THEMIS: variants seen among roughly 807,000 people sequenced by gnomAD.
THEMIS encodes thymocyte selection associated, also known as protein THEMIS.
A neutral mutation model predicts 52.6 loss-of-function variants in THEMIS; 37 were observed. That is an observed-to-expected ratio of 0.70 (90% CI 0.54 to 0.93). The LOEUF (loss-of-function observed/expected upper bound fraction) is 0.93. Among genes scored for constraint, THEMIS ranks in the 40% least tolerant of loss-of-function variants. THEMIS has a pLI of 0.00. For missense variants in THEMIS, 808 were observed against 763.1 expected (o/e 1.06, Z -0.69); for synonymous variants, 292 against 272.7 (o/e 1.07, Z -0.70).
chr6:127,784,011 A>G (rs1258869161), intron 4 of THEMIS, among the ~76,000 whole-genome samples: 4 of 152,228 alleles, frequency 2.6e-5, no homozygotes, highest in African/African-American at 9.6e-5. Context: ...GGTAGACTGG[A>G]TAAAGAAAAT....
intron 4 of THEMIS, among the ~76,000 whole-genome samples, chr6:127,763,396 A>C (rs1198815925): frequency 6.6e-6 from 1 of 152,050 alleles, no homozygotes; most frequent in African/African-American, 2.4e-5. Context: ...CATCCCAAAC[A>C]AAAGTTAATT....
At chr6:127,764,223 C>T (rs1017089696) in intron 4 of THEMIS, among the ~76,000 whole-genome samples, 3 of 151,890 alleles carry the variant, frequency 2.0e-5, no homozygotes, top group South Asian at 2.1e-4. Flanking sequence ...GAGGTAGAGA[C>T]TAAATAAGGT....
the THEMIS span, among the ~76,000 whole-genome samples, chr6:127,703,035 G>GTTTTTTTTTTTTT: frequency 4.5e-4 from 37 of 82,382 alleles, 3 homozygotes; most frequent in East Asian, 2.1e-3. Context: ...TTTAGAATGA[G>GTTTTTTTTTTTTT]TTTTTTTTTT....
At chr6:127,701,272 T>C in the THEMIS span, among the ~76,000 whole-genome samples, 2 of 152,140 alleles carry the variant, frequency 1.3e-5, no homozygotes, top group East Asian at 3.8e-4. Flanking sequence ...CTATTTTGTG[T>C]CTAATTTTGA....
At chr6:127,774,806 A>G (rs999988282) in intron 4 of THEMIS, among the ~76,000 whole-genome samples, 4 of 152,202 alleles carry the variant, frequency 2.6e-5, no homozygotes, top group African/African-American at 9.6e-5. Context: ...ATGTAAATCA[A>G]GTCAAGCTGC....
At chr6:127,896,957 T>C (rs982452528) in intron 1 of THEMIS, among the ~76,000 whole-genome samples, 3 of 151,380 alleles carry the variant, frequency 2.0e-5, no homozygotes, top group African/African-American at 4.8e-5. Context: ...AAAATTGATG[T>C]AAGGATAGCA....
intron 4 of THEMIS, among the ~76,000 whole-genome samples, chr6:127,775,236 G>A (rs747329746): frequency 2.0e-5 from 3 of 152,146 alleles, no homozygotes; most frequent in African/African-American, 4.8e-5. Context: ...AGTTGGGGAC[G>A]CAAAAGTGTT....
intron 3 of THEMIS, among the ~76,000 whole-genome samples, chr6:127,818,174 A>G (rs368266966): frequency 2.0e-5 from 3 of 152,124 alleles, no homozygotes; most frequent in African/African-American, 7.2e-5. Context: ...GGAACACCCA[A>G]CTCAAGCCTC....
chr6:127,795,994 A>T (rs1429379027), intron 4 of THEMIS, among the ~76,000 whole-genome samples: 2 of 152,264 alleles, frequency 1.3e-5, no homozygotes, highest in African/African-American at 4.8e-5. Context: ...TTGTGAAAAT[A>T]GTTTGATCCT....
chr6:127,849,047 T>G (rs916203105), intron 2 of THEMIS, among the ~76,000 whole-genome samples: 8 of 152,174 alleles, frequency 5.3e-5, no homozygotes, highest in Admixed American at 1.3e-4. Flanking sequence ...TCTAGGGTTT[T>G]TATGGTTTTA....
intron 4 of THEMIS, 98 bp downstream of exon 4, chr6:127,812,785 A>G (rs1464777857): frequency 7.9e-7 from 1 of 1,259,154 alleles, no homozygotes; most frequent in Non-Finnish European, 1.1e-6. Flanking sequence ...TATGGCATGA[A>G]AGAAAGAAAA....
chr6:127,789,306 C>T (rs12195519), intron 4 of THEMIS, among the ~76,000 whole-genome samples: 4,018 of 152,100 alleles, frequency 0.026, 65 homozygotes, highest in Middle Eastern at 0.082. Context: ...ACACATACAC[C>T]CTCCCAAGAC....
chr6:127,880,671 G>A (rs1314375208), intron 1 of THEMIS, among the ~76,000 whole-genome samples: 1 of 150,454 alleles, frequency 6.6e-6, no homozygotes, highest in Non-Finnish European at 1.5e-5. Context: ...CATAAATGCT[G>A]AATCACTAAA....
intron 1 of THEMIS, among the ~76,000 whole-genome samples, chr6:127,862,090 T>C (rs1253238321): frequency 6.6e-6 from 1 of 152,034 alleles, no homozygotes; most frequent in Non-Finnish European, 1.5e-5. Flanking sequence ...GGAACAAGGA[T>C]GTAGTCTCAA....
chr6:127,791,828 C>T (rs901027014), intron 4 of THEMIS, among the ~76,000 whole-genome samples: 6 of 152,188 alleles, frequency 3.9e-5, no homozygotes, highest in East Asian at 1.9e-4. Context: ...CTGCCCCAAG[C>T]GTGCACACAC....
upstream of THEMIS, among the ~76,000 whole-genome samples, chr6:127,905,436 G>A (rs1781243982): frequency 6.6e-6 from 1 of 151,944 alleles, no homozygotes; most frequent in South Asian, 2.1e-4. Context: ...GACATTTTCA[G>A]ACAAACAAAA....
intron 4 of THEMIS, among the ~76,000 whole-genome samples, chr6:127,798,220 C>T (rs887590508): frequency 6.6e-6 from 1 of 152,086 alleles, no homozygotes; most frequent in African/African-American, 2.4e-5. Flanking sequence ...AAATAGCGTG[C>T]CTTACTCTTA....
intron 4 of THEMIS, among the ~76,000 whole-genome samples, chr6:127,792,492 T>G (rs1777192640): frequency 6.6e-6 from 1 of 152,214 alleles, no homozygotes. Flanking sequence ...TTATAGTTTC[T>G]GGGAAAGAGA....
chr6:127,729,612 T>G (rs1258280598), intron 4 of THEMIS, among the ~76,000 whole-genome samples: 1 of 152,168 alleles, frequency 6.6e-6, no homozygotes, highest in Non-Finnish European at 1.5e-5. Flanking sequence ...TGACCCTTTC[T>G]CTTCCACTCT....
Sources: allele counts gnomAD v4.1 joint callset (sites outside exome capture counted in the v4.1 genomes callset), GRCh38; gene constraint gnomAD v4.1.1; transcripts MANE v1.5; gene names NCBI Gene and HGNC (gene_info 2026-07-23, HGNC 2026-07-21).